Variants in SCAPER observed in about 807,000 individuals in gnomAD.
The protein encoded by SCAPER is S phase cyclin A-associated protein in the endoplasmic reticulum.
In SCAPER, 98 loss-of-function variants were observed where a neutral mutation model predicts 182.2. The ratio of observed to expected loss-of-function variants is 0.54; its 90% CI spans 0.46 to 0.64. SCAPER has a LOEUF of 0.64. Ranked by LOEUF, SCAPER falls within the 30% of genes least tolerant of loss-of-function variation. SCAPER has a pLI of 0.00. For synonymous variants in SCAPER, 605 were observed against 564.6 expected (o/e 1.07, Z -1.01); for missense variants, 1,432 against 1,690.0 (o/e 0.85, Z 2.68).
rs2144465157 is a variant in SCAPER, at chr15:76,527,676, T to G, written c.2839-22702A>C. On this transcript the variant is annotated intron_variant, in intron 23 of 31. Transcript: ENST00000563290. ...ATTTAGCCCCCTTTTATTCCAATCC[T>G]AGTCACAACAGTCTGCCTCCGGACA... Among the ~76,000 whole-genome samples, 2 of 152,320 alleles carry G rather than the reference T, an allele frequency of 1.3e-5. 1 individual carries two copies. The highest frequency in any genetic ancestry group is 4.1e-4 in the South Asian group (2 of 4,832).
At chr15:76,537,590 G>C (rs993027824) in intron 23 of SCAPER, among the ~76,000 whole-genome samples, 8 of 151,870 alleles carry the variant, frequency 5.3e-5, no homozygotes, top group South Asian at 2.1e-4. Context: ...AAGACTTAAA[G>C]GTTAGACCTA....
At chr15:76,510,798 T>C (rs1327911285) in intron 23 of SCAPER, among the ~76,000 whole-genome samples, 1 of 152,198 alleles carries the variant, frequency 6.6e-6, no homozygotes, top group Admixed American at 6.5e-5. Context: ...CAATTCGTGA[T>C]TGCAAAAATG....
At chr15:76,716,176 A>AC (rs2059879198) in intron 17 of SCAPER, among the ~76,000 whole-genome samples, 1 of 152,124 alleles carries the variant, frequency 6.6e-6, no homozygotes, top group Non-Finnish European at 1.5e-5. Context: ...AGCCCAGACC[A>AC]CTAAGGCACT....
chr15:76,728,216 CAAA>C (rs746287649), intron 17 of SCAPER, among the ~76,000 whole-genome samples: 11 of 115,028 alleles, frequency 9.6e-5, no homozygotes, highest in Admixed American at 1.8e-4. Context: ...CTATTTCCAT[CAAA>C]AAAAAAAAAA....
chr15:76,366,397 G>A (rs1383032201), intron 29 of SCAPER, among the ~76,000 whole-genome samples: 1 of 152,118 alleles, frequency 6.6e-6, no homozygotes, highest in East Asian at 1.9e-4. Flanking sequence ...ACATTCCACG[G>A]AACATTTATG....
intron 17 of SCAPER, among the ~76,000 whole-genome samples, chr15:76,710,671 A>G (rs1362992263): frequency 6.6e-6 from 1 of 152,182 alleles, no homozygotes; most frequent in African/African-American, 2.4e-5. Context: ...GGATTGTAAT[A>G]TAAAATATTG....
At position 76,586,028 on chromosome 15, in the gene SCAPER, T is replaced by C. The variant is rs902183735; in HGVS notation, c.2712-11744A>G. Among the ~76,000 whole-genome samples the C allele has an allele frequency of 2.0e-5, 3 of 152,290 alleles. No homozygotes were observed. In the East Asian group the frequency reaches 5.8e-4, roughly 29 times the overall value. ...ATATGAGAAGTATCTGTCAGGTAAA[T>C]GGTTTTGTGAATAATGCTGTAAGAT... On this transcript the variant is annotated intron_variant, in intron 22 of 31. Transcript: ENST00000563290.
intron 2 of SCAPER, among the ~76,000 whole-genome samples, chr15:76,865,387 T>C (rs1387997730): frequency 6.6e-6 from 1 of 152,126 alleles, no homozygotes; most frequent in Non-Finnish European, 1.5e-5. Context: ...TAAACTCTAA[T>C]AAATTGGTAA....
At chr15:76,744,956 C>G (rs371678331) in intron 15 of SCAPER, among the ~76,000 whole-genome samples, 1 of 152,090 alleles carries the variant, frequency 6.6e-6, no homozygotes. Flanking sequence ...TGGAATACTA[C>G]GCAACCAAAA....
At chr15:76,753,764 G>A in intron 15 of SCAPER, 44 bp downstream of exon 15, 1 of 1,580,816 alleles carries the variant, frequency 6.3e-7, no homozygotes, top group Non-Finnish European at 8.6e-7. Context: ...ATTCAAAAAA[G>A]TACTTGGGTA....
rs770601506 is a variant in SCAPER at position 76,702,946 on chromosome 15, A to G, written c.2304T>C (p.Ala768=). ...MEQIEQRKEK[A]AELSSGRHAN... ...CATGTCGCCCACTGCTTAGCTCAGCAGCTTTTTCTTTTCTTTGTTCAATCT... is the reference window on the plus strand; with the variant it reads ...CATGTCGCCCACTGCTTAGCTCAGCGGCTTTTTCTTTTCTTTGTTCAATCT... Residue 768 remains alanine, a synonymous_variant, in exon 19 of 32, where the codon GCT becomes GCC. Coordinates refer to ENST00000563290, the MANE Select transcript of SCAPER (RefSeq NM_020843.4). The G allele has an allele frequency of 2.5e-6, 4 of 1,610,228 alleles. No homozygotes were observed. The African/African-American group carries it at 5.4e-5, about 22-fold the overall frequency.
At chr15:76,417,229 A>G (rs1235575232) in intron 26 of SCAPER, among the ~76,000 whole-genome samples, 1 of 151,708 alleles carries the variant, frequency 6.6e-6, no homozygotes, top group East Asian at 1.9e-4. Context: ...TAAAAAAACA[A>G]AAAAACAAGA....
chr15:76,498,001 A>AT (rs1460788632), intron 24 of SCAPER, among the ~76,000 whole-genome samples: 47 of 118,612 alleles, frequency 4.0e-4, no homozygotes, highest in Non-Finnish European at 6.3e-4. Flanking sequence ...AAAAAAAAAA[A>AT]AAAAAAAAAA....
chr15:76,671,355 AGT>A (rs2057002221), intron 20 of SCAPER, among the ~76,000 whole-genome samples: 1 of 152,134 alleles, frequency 6.6e-6, no homozygotes, highest in South Asian at 2.1e-4. Context: ...AGATGGTGGC[AGT>A]GGTAGCAGAA....
intron 23 of SCAPER, among the ~76,000 whole-genome samples, chr15:76,548,136 G>C (rs1597330409): frequency 6.6e-6 from 1 of 151,368 alleles, no homozygotes; most frequent in East Asian, 1.9e-4. Context: ...AAAAAGTGCA[G>C]CTTGCTGCTA....
At chr15:76,431,282 T>C (rs2046841375) in intron 26 of SCAPER, among the ~76,000 whole-genome samples, 1 of 152,180 alleles carries the variant, frequency 6.6e-6, no homozygotes, top group African/African-American at 2.4e-5. Flanking sequence ...AAAGTCTTTT[T>C]AAATTTTTGA....
chr15:76,427,200 C>A (rs1011868024), intron 26 of SCAPER, among the ~76,000 whole-genome samples: 1 of 151,940 alleles, frequency 6.6e-6, no homozygotes, highest in African/African-American at 2.4e-5. Context: ...AATTAACATA[C>A]CAAAAAAATA....
At chr15:76,690,855 A>G (rs2058313474) in intron 20 of SCAPER, among the ~76,000 whole-genome samples, 1 of 152,142 alleles carries the variant, frequency 6.6e-6, no homozygotes, top group Admixed American at 6.5e-5. Context: ...AAAAAGTAAA[A>G]CTATAGACGA....
At chr15:76,503,026 G>A (rs1197501995) in intron 24 of SCAPER, among the ~76,000 whole-genome samples, 1 of 152,070 alleles carries the variant, frequency 6.6e-6, no homozygotes, top group Middle Eastern at 3.4e-3. Context: ...CAATCAGAGA[G>A]CTTAGTGTCA....
Sources: gnomAD v4.1 joint callset for allele counts (sites outside exome capture counted in the v4.1 genomes callset) on GRCh38, gnomAD v4.1.1 for gene constraint, MANE v1.5 for transcripts, NCBI Gene and HGNC (gene_info 2026-07-23, HGNC 2026-07-21) for gene names.